LAMA4: variants seen among roughly 807,000 people sequenced by gnomAD.
The protein encoded by LAMA4 is laminin subunit alpha 4, also known as laminin subunit alpha-4.
Under a neutral mutation model 207.1 loss-of-function variants are expected in LAMA4, and 127 were observed. The observed-to-expected ratio is 0.61, with a 90% CI of 0.53 to 0.71. The LOEUF is 0.71. Among genes scored for constraint, LAMA4 ranks in the 30% least tolerant of loss-of-function variants. The pLI, the probability that LAMA4 is intolerant of heterozygous loss-of-function variation, is 0.00. For missense variants in LAMA4, 2,093 were observed against 2,246.5 expected (o/e 0.93, Z 1.38); for synonymous variants, 761 against 816.0 (o/e 0.93, Z 1.15).
chr6:112,140,029 A>G (rs989722779), intron 22 of LAMA4, 144 bp from the exon 23 acceptor site: 84 of 801,648 alleles, frequency 1.0e-4, no homozygotes, highest in Admixed American at 1.6e-4. Flanking sequence ...TGTTTATGCC[A>G]AATCATTTAG....
intron 19 of LAMA4, among the ~76,000 whole-genome samples, chr6:112,143,620 G>C (rs1554333852): frequency 6.6e-6 from 1 of 152,148 alleles, no homozygotes; most frequent in African/African-American, 2.4e-5. Context: ...CAGTGTGGGG[G>C]ATTAAAGTCT....
At chr6:112,203,258 T>A (rs1783863329) in intron 4 of LAMA4, among the ~76,000 whole-genome samples, 3 of 152,122 alleles carry the variant, frequency 2.0e-5, no homozygotes. Context: ...TCTTAGAAAA[T>A]CCTTAGGAAC....
chr6:112,254,068 T>G lies in LAMA4; in HGVS notation c.83A>C (p.Asp28Ala). 6.2e-7 allele frequency: 1 copy of G among 1,610,214 alleles called. No individual in the cohort carries two copies. The highest frequency in any genetic ancestry group is 8.5e-7 in the Non-Finnish European group (1 of 1,178,688). Reference sequence around the variant, plus strand: ...AATGTCAAAAGGAAAAGCGTTGTCGTCCCCGGACGCGGCGCGGGAGCAGGC... The same window carrying G: ...AATGTCAAAAGGAAAAGCGTTGTCGGCCCCGGACGCGGCGCGGGAGCAGGC... ...SAACSRAASG[D>A]DNAFPFDIEG... Residue 28 changes from aspartate (D) to alanine (A), a missense_variant, in exon 2 of 39, where the codon GAC becomes GCC. Transcript: ENST00000230538.
In LAMA4 at chr6:112,187,434, G is replaced by C. The variant is rs1019211212; in HGVS notation, c.966+16C>G. ...CAGGATGAAAACAGAGTGGAAAGTAGAACATTCCTGCGTACTTTGAGGAGG... is the reference window on the plus strand; with the variant it reads ...CAGGATGAAAACAGAGTGGAAAGTACAACATTCCTGCGTACTTTGAGGAGG... On this transcript the variant is annotated intron_variant, in intron 8 of 38. Coordinates refer to ENST00000230538, the MANE Select transcript of LAMA4 (RefSeq NM_001105206.3). The C allele has an allele frequency of 1.2e-6, 2 of 1,613,810 alleles. No homozygotes were observed. The highest frequency in any genetic ancestry group is 2.2e-5 in the East Asian group (1 of 44,858).
At position 112,108,472 on chromosome 6, in the gene LAMA4, G is replaced by A. The variant is rs1251573420; in HGVS notation, c.*965C>T. ...CTCTGTTGCCCAGGCTGGAGTGCAG[G>A]TACAGTCAGCAGTCATAGCTCACTG... On this transcript the variant is annotated 3_prime_UTR_variant, in exon 39 of 39. Coordinates refer to ENST00000230538, the MANE Select transcript of LAMA4 (RefSeq NM_001105206.3). 6.6e-6 allele frequency among the ~76,000 whole-genome samples: 1 copy of A among 151,886 alleles called. No individual in the cohort carries two copies. The highest frequency in any genetic ancestry group is 1.5e-5 in the Non-Finnish European group (1 of 67,972).
intron 2 of LAMA4, chr6:112,236,748 T>C (rs1441303429): frequency 6.6e-6 from 1 of 152,122 alleles, no homozygotes; most frequent in Admixed American, 6.5e-5. Context: ...AAAACTAAAG[T>C]TTTTGATGCT....
At chr6:112,113,678 A>AT (rs782744220) in intron 38 of LAMA4, among the ~76,000 whole-genome samples, 4 of 152,158 alleles carry the variant, frequency 2.6e-5, no homozygotes, top group African/African-American at 9.6e-5. Context: ...CGAACTGTGC[A>AT]TTTTTTCCTA....
At chr6:112,176,749 G>T (rs1277695597) in intron 10 of LAMA4, among the ~76,000 whole-genome samples, 1 of 152,180 alleles carries the variant, frequency 6.6e-6, no homozygotes, top group Non-Finnish European at 1.5e-5. Flanking sequence ...TTGCAGTATA[G>T]ATTAGAAAAG....
intron 2 of LAMA4, among the ~76,000 whole-genome samples, chr6:112,249,402 C>T (rs1157268363): frequency 7.7e-6 from 1 of 129,498 alleles, no homozygotes; most frequent in Non-Finnish European, 1.5e-5. Flanking sequence ...GAGATCAAGC[C>T]ACTGCACTCC....
At chr6:112,219,826 G>A (rs1784826937) in intron 2 of LAMA4, among the ~76,000 whole-genome samples, 1 of 152,096 alleles carries the variant, frequency 6.6e-6, no homozygotes, top group Non-Finnish European at 1.5e-5. Flanking sequence ...TGTTTTACTG[G>A]TGAGGACTTT....
chr6:112,129,100 T>C (rs2114635601), intron 30 of LAMA4, 25 bp from the exon 31 acceptor site: 1 of 1,585,790 alleles, frequency 6.3e-7, no homozygotes, highest in East Asian at 2.2e-5. Context: ...GAGGAAAAAA[T>C]AAATATTAAA....
At chr6:112,211,217 A>G (rs1329451333) in intron 3 of LAMA4, among the ~76,000 whole-genome samples, 8 of 152,180 alleles carry the variant, frequency 5.3e-5, no homozygotes, top group Admixed American at 2.6e-4. Flanking sequence ...GCAAGGGTCT[A>G]AATAAAAATA....
chr6:112,133,577 C>A, intron 26 of LAMA4, 90 bp from the exon 27 acceptor site: 1 of 1,415,992 alleles, frequency 7.1e-7, no homozygotes, highest in South Asian at 1.2e-5. Context: ...TATTTATAGT[C>A]ATTTGTAATG....
chr6:112,178,258 G>T, intron 9 of LAMA4, 26 bp from the exon 10 acceptor site: 1 of 1,508,616 alleles, frequency 6.6e-7, no homozygotes, highest in South Asian at 1.1e-5. Flanking sequence ...ATAAAGGCTA[G>T]ATTAAATGTA....
chr6:112,154,656 A>ATTTT, intron 16 of LAMA4, 195 bp downstream of exon 16: 1 of 567,892 alleles, frequency 1.8e-6, no homozygotes, highest in African/African-American at 1.9e-5. Context: ...ACTACATAGC[A>ATTTT]TTTTTTTTTT....
At chr6:112,150,988 A>G (rs2114756515) in intron 16 of LAMA4, among the ~76,000 whole-genome samples, 1 of 152,322 alleles carries the variant, frequency 6.6e-6, no homozygotes, top group Non-Finnish European at 1.5e-5. Context: ...GGTTATAAAA[A>G]TAATCCTTGT....
At chr6:112,156,848 C>T (rs1780745195) in intron 14 of LAMA4, among the ~76,000 whole-genome samples, 1 of 152,140 alleles carries the variant, frequency 6.6e-6, no homozygotes, top group Non-Finnish European at 1.5e-5. Context: ...TGGCTACTTC[C>T]CTCTCTGTTA....
chr6:112,229,563 A>G (rs1200927173), intron 2 of LAMA4, among the ~76,000 whole-genome samples: 1 of 152,194 alleles, frequency 6.6e-6, no homozygotes, highest in Admixed American at 6.5e-5. Context: ...AAAATTTCGC[A>G]TGGTCTCACT....
At position 112,134,508 on chromosome 6, in the gene LAMA4, A is replaced by G; in HGVS notation, c.3516T>C (p.Asp1172=). The change falls in exon 26 of 39, where the codon GAT becomes GAC. Residue 1172 remains aspartate (D), a synonymous_variant. Coordinates refer to ENST00000230538, the MANE Select transcript of LAMA4 (RefSeq NM_001105206.3). ...DNEKMKIPFT[D]IYIGGAPPEI... ...CTGGAGGAGCTCCTCCAATGTATATATCTGTAAAAGGTATTTTCATCTTTT... is the reference window on the plus strand; with the variant it reads ...CTGGAGGAGCTCCTCCAATGTATATGTCTGTAAAAGGTATTTTCATCTTTT... 2 of 1,613,410 alleles carry G rather than the reference A, an allele frequency of 1.2e-6. No individual in the cohort carries two copies. Among genetic ancestry groups the G allele is most frequent in the Non-Finnish European group, 1.7e-6 (2 of 1,179,466 alleles).
Sources: allele counts gnomAD v4.1 joint callset (sites outside exome capture counted in the v4.1 genomes callset), GRCh38; gene constraint gnomAD v4.1.1; transcripts MANE v1.5; gene names NCBI Gene and HGNC (gene_info 2026-07-23, HGNC 2026-07-21).